The following DCDC1 variants were observed in gnomAD, a reference collection of about 807,000 sequenced individuals.
DCDC1 encodes the protein doublecortin domain containing 1.
A neutral mutation model predicts 178.3 loss-of-function variants in DCDC1; 200 were observed. The ratio of observed to expected loss-of-function variants is 1.12; its 90% CI spans 1.00 to 1.26. The LOEUF (loss-of-function observed/expected upper bound fraction) is 1.26. Among genes scored for constraint, DCDC1 ranks in the 50% most tolerant of loss-of-function variants. DCDC1 has a pLI of 0.00. For synonymous variants in DCDC1, 690 were observed against 604.8 expected, an observed-to-expected ratio of 1.14 and a Z score of -2.07; for missense variants, 1,983 against 1,749.2, an observed-to-expected ratio of 1.13 and a Z score of -2.38.
intron 20 of DCDC1, among the ~76,000 whole-genome samples, chr11:31,031,312 T>G (rs1208269176): frequency 6.6e-6 from 1 of 152,184 alleles, no homozygotes; most frequent in Non-Finnish European, 1.5e-5. Context: ...TACTGACTTC[T>G]CAAATCCATA....
rs183002544 is a variant in DCDC1 at position 31,030,384 on chromosome 11, T to A, written c.2591+34085A>T. ...AATACTGCTGTGACTGAAATATGCATAAAGTCTGTGTCTATTAGAGCTATT... is the reference window on the plus strand; with the variant it reads ...AATACTGCTGTGACTGAAATATGCAAAAAGTCTGTGTCTATTAGAGCTATT... On this transcript the variant is annotated intron_variant, in intron 20 of 38. Coordinates refer to ENST00000684477, the MANE Select transcript of DCDC1 (RefSeq NM_001387274.1). 2.6e-5 allele frequency among the ~76,000 whole-genome samples: 4 copies of A among 151,988 alleles called. No homozygotes were observed. In the East Asian group the frequency reaches 7.7e-4, roughly 29 times the overall value.
intron 9 of DCDC1, among the ~76,000 whole-genome samples, chr11:31,226,022 T>C (rs1336852303): frequency 2.0e-5 from 3 of 152,028 alleles, no homozygotes; most frequent in Non-Finnish European, 4.4e-5. Flanking sequence ...TATGAACTGA[T>C]AGGAGAATCT....
intron 22 of DCDC1, among the ~76,000 whole-genome samples, chr11:30,927,901 C>T (rs1946686366): frequency 6.6e-6 from 1 of 151,944 alleles, no homozygotes. Context: ...TCCAACCTTT[C>T]AGCAGTGATC....
At chr11:30,899,715 T>G in intron 33 of DCDC1, 73 bp from the exon 34 acceptor site, 1 of 1,088,402 alleles carries the variant, frequency 9.2e-7, no homozygotes, top group Non-Finnish European at 1.2e-6. Flanking sequence ...ATAAAGAACT[T>G]TCTGCTCAAA....
intron 1 of DCDC1, among the ~76,000 whole-genome samples, chr11:31,361,313 A>C (rs1261146575): frequency 1.3e-5 from 2 of 152,188 alleles, no homozygotes; most frequent in African/African-American, 2.4e-5. Flanking sequence ...GGAATTCCAC[A>C]GATAAAACCA....
chr11:31,206,306 T>C lies in DCDC1; in HGVS notation c.1221+35144A>G, dbSNP rs146957571. 2.4e-3 allele frequency among the ~76,000 whole-genome samples: 360 copies of C among 152,296 alleles called. 1 individual carries two copies. Among genetic ancestry groups the C allele is most frequent in the African/African-American group, 8.3e-3 (343 of 41,552 alleles). On this transcript the variant is annotated intron_variant, in intron 9 of 38. Transcript: ENST00000684477. ...CCTGGTGATGTCAGGCAAAGTGAAA[T>C]ACAAAGCATCAGCTGGGAATTATTC... is the stretch of plus-strand genomic sequence containing the variant.
intron 20 of DCDC1, among the ~76,000 whole-genome samples, chr11:30,997,024 A>G (rs911622568): frequency 8.5e-5 from 13 of 152,222 alleles, no homozygotes; most frequent in African/African-American, 3.1e-4. Context: ...GAGCTGTTGC[A>G]CACAGCAATA....
intron 20 of DCDC1, among the ~76,000 whole-genome samples, chr11:31,000,262 A>G (rs1347920896): frequency 6.6e-6 from 1 of 152,182 alleles, no homozygotes; most frequent in East Asian, 1.9e-4. Context: ...ATATCCAGGA[A>G]AGAATTCAGT....
intron 9 of DCDC1, among the ~76,000 whole-genome samples, chr11:31,153,287 C>T (rs1027618494): frequency 6.6e-6 from 1 of 152,168 alleles, no homozygotes; most frequent in South Asian, 2.1e-4. Flanking sequence ...TGCCCTTACG[C>T]TATGTCATAG....
At chr11:31,144,639 GAA>G (rs939680499) in intron 9 of DCDC1, among the ~76,000 whole-genome samples, 3 of 151,986 alleles carry the variant, frequency 2.0e-5, no homozygotes, top group Admixed American at 2.0e-4. Flanking sequence ...GTTTTAGTTT[GAA>G]TTATTCTATT....
rs150575616 is a variant in DCDC1 at position 30,985,266 on chromosome 11, T to C, written c.2592-32698A>G. On this transcript the variant is annotated intron_variant, in intron 20 of 38. Coordinates refer to ENST00000684477, the MANE Select transcript of DCDC1 (RefSeq NM_001387274.1). ...AGAAAGCTTCAGCATGATTTGACTA[T>C]CATGTGTGAGCAGGTCCAGGAGAAT... 2.9e-3 allele frequency among the ~76,000 whole-genome samples: 441 copies of C among 152,252 alleles called. 4 individuals are homozygous for C. The highest frequency in any genetic ancestry group is 0.022 in the East Asian group (115 of 5,170).
chr11:30,938,401 C>T (rs941412134), intron 21 of DCDC1, among the ~76,000 whole-genome samples: 1 of 152,168 alleles, frequency 6.6e-6, no homozygotes, highest in Non-Finnish European at 1.5e-5. Context: ...TTTTTAGCAG[C>T]CAGCTCTCAC....
chr11:31,072,781 T>A (rs149553202), intron 18 of DCDC1, among the ~76,000 whole-genome samples: 1 of 152,260 alleles, frequency 6.6e-6, no homozygotes, highest in African/African-American at 2.4e-5. Flanking sequence ...ATTATTATTA[T>A]CATTATTAGC....
rs1321924614 is a variant in DCDC1, at chr11:31,317,052, A to G, written c.165-9144T>C. ...GTACCAGTATCATGCTGTTTTGGTT[A>G]CTGTAGCCTTGTAGTATAGTTTGAA... is the stretch of plus-strand genomic sequence containing the variant. On this transcript the variant is annotated intron_variant, in intron 3 of 38. Transcript: ENST00000684477. Among the ~76,000 whole-genome samples, 2 of 55,324 alleles carry G rather than the reference A, an allele frequency of 3.6e-5. 1 individual carries two copies. Among genetic ancestry groups the G allele is most frequent in the African/African-American group, 4.1e-4 (2 of 4,896 alleles). 36.3% of individuals were successfully genotyped at this position (55,324 alleles called of 152,430 possible).
At chr11:31,201,223 A>T (rs1202985248) in intron 9 of DCDC1, among the ~76,000 whole-genome samples, 1 of 151,980 alleles carries the variant, frequency 6.6e-6, no homozygotes, top group Non-Finnish European at 1.5e-5. Context: ...TTATTATTTT[A>T]TGTTGCCTTA....
At chr11:31,154,098 C>T (rs1350508376) in intron 9 of DCDC1, among the ~76,000 whole-genome samples, 3 of 152,142 alleles carry the variant, frequency 2.0e-5, no homozygotes, top group African/African-American at 7.2e-5. Context: ...CAGTGTGTGG[C>T]ACTTCCCCTC....
chr11:31,044,289 A>C (rs1454403190), intron 20 of DCDC1, among the ~76,000 whole-genome samples: 1 of 152,096 alleles, frequency 6.6e-6, no homozygotes, highest in Non-Finnish European at 1.5e-5. Flanking sequence ...CATCCTGGCT[A>C]ACGTGGTGAA....
intron 9 of DCDC1, among the ~76,000 whole-genome samples, chr11:31,166,757 A>T (rs925072717): frequency 2.6e-5 from 4 of 152,224 alleles, no homozygotes; most frequent in African/African-American, 9.6e-5. Flanking sequence ...TGAATCAGTG[A>T]ATTTCCCAAC....
chr11:31,307,903 A>T lies in DCDC1; in HGVS notation c.170T>A (p.Phe57Tyr). ...AACTGCTTTTGCCTGGGATGACATA[A>T]ACTCTCTGGAAGAAACAATGCATGG... ...KYILNDLPRE[F>Y]MSSQAKAVIK... Residue 57 changes from phenylalanine to tyrosine, a missense_variant, in exon 4 of 39, where the codon TTT (phenylalanine) becomes TAT (tyrosine). Physicochemically the swap from Phe to Tyr is conservative, Grantham distance 22. Transcript: ENST00000684477. 6.2e-7 allele frequency: 1 copy of T among 1,613,968 alleles called. No homozygotes were observed.
Sources: allele counts gnomAD v4.1 joint callset (sites outside exome capture counted in the v4.1 genomes callset), GRCh38; gene constraint gnomAD v4.1.1; transcripts MANE v1.5; gene names NCBI Gene and HGNC (gene_info 2026-07-23, HGNC 2026-07-21).